Variants in DAAM2 observed in about 807,000 individuals in gnomAD.
The protein encoded by DAAM2 is disheveled-associated activator of morphogenesis 2.
In DAAM2, 39 loss-of-function variants were observed where a neutral mutation model predicts 120.7. That is an observed-to-expected ratio of 0.32 (90% CI 0.25 to 0.42). The LOEUF (loss-of-function observed/expected upper bound fraction) is 0.42. Ranked by LOEUF, DAAM2 falls within the 10% of genes least tolerant of loss-of-function variation. The pLI, the probability that DAAM2 is intolerant of heterozygous loss-of-function variation, is 1.00. For missense variants in DAAM2, 1,283 were observed against 1,401.7 expected (o/e 0.92, Z 1.35); for synonymous variants, 488 against 524.9 (o/e 0.93, Z 0.96).
In DAAM2 at chr6:39,904,761, A is replaced by T. The variant is rs776434806; in HGVS notation, c.*2724A>T. 4.0e-5 allele frequency: 18 copies of T among 454,030 alleles called. No homozygotes were observed. The highest frequency in any genetic ancestry group is 2.6e-4 in the South Asian group (17 of 64,478). 28.1% of individuals were successfully genotyped at this position (454,030 alleles called of 1,614,324 possible). A position where few individuals can be genotyped will look rare whatever the true frequency, so the allele number is the denominator to read the frequency against. On this transcript the variant is annotated 3_prime_UTR_variant, in exon 25 of 25. Transcript: ENST00000274867. ...CTGTTCTCACCAGCTGCCTCAGATG[A>T]CAAATGAGGCTAATGGACATAATCT...
chr6:39,817,424 CTCTGCT>C (rs1483014475), intron 1 of DAAM2, among the ~76,000 whole-genome samples: 2 of 152,162 alleles, frequency 1.3e-5, no homozygotes, highest in Non-Finnish European at 2.9e-5. Context: ...AACAGAGGGT[CTCTGCT>C]TGTTTTAGTC....
intron 1 of DAAM2, among the ~76,000 whole-genome samples, chr6:39,832,748 C>T (rs1057345917): frequency 1.3e-5 from 2 of 152,132 alleles, no homozygotes; most frequent in African/African-American, 2.4e-5. Flanking sequence ...CTGGGGGCTG[C>T]AGGGTTTCTG....
intron 3 of DAAM2, among the ~76,000 whole-genome samples, chr6:39,864,166 A>T (rs552992590): frequency 4.1e-5 from 6 of 145,788 alleles, no homozygotes; most frequent in African/African-American, 1.4e-4. Context: ...AGAATTTTTA[A>T]AAAATGGTGC....
chr6:39,889,092 T>A (rs6906911), intron 17 of DAAM2: 17,225 of 183,230 alleles, frequency 0.094, 1,110 homozygotes, highest in African/African-American at 0.18. Flanking sequence ...CAATTGGACT[T>A]CATTACAGTT....
intron 11 of DAAM2, among the ~76,000 whole-genome samples, chr6:39,876,710 T>TGC (rs781213299): frequency 1.5e-4 from 15 of 100,048 alleles, no homozygotes. Context: ...GGGAAGGGTG[T>TGC]GTGTGTGTGT....
rs941887009 is a variant in DAAM2, at chr6:39,856,302, C to G, written c.-1C>G. 2.0e-6 allele frequency: 3 copies of G among 1,527,528 alleles called. No individual in the cohort carries two copies. The highest frequency in any genetic ancestry group is 2.8e-5 in the African/African-American group (2 of 72,068). The allele number at this position is 1,527,528 out of a possible 1,614,324, so 94.6% of individuals were successfully genotyped here. A position where few individuals can be genotyped will look rare whatever the true frequency, so the allele number is the denominator to read the frequency against. ...CTGACGCCCCCTGGCCTGCAGTGAC[C>G]ATGGCCCCCCGCAAGAGGAGCCACC... On this transcript the variant is annotated 5_prime_UTR_variant, in exon 2 of 25. Coordinates refer to ENST00000274867, the MANE Select transcript of DAAM2 (RefSeq NM_001201427.2).
intron 1 of DAAM2, among the ~76,000 whole-genome samples, chr6:39,852,494 G>A (rs768227081): frequency 6.6e-6 from 1 of 152,140 alleles, no homozygotes; most frequent in Admixed American, 6.5e-5. Context: ...GCCAGGCCTC[G>A]GTCACCCCAT....
At chr6:39,815,651 TACACACACACACACACAC>T (rs56736428) in intron 1 of DAAM2, among the ~76,000 whole-genome samples, 2 of 149,076 alleles carry the variant, frequency 1.3e-5, no homozygotes, top group African/African-American at 4.9e-5. Context: ...ACCCCTGGTT[TACACACACACACACACAC>T]ACACACACAC....
rs1764526727 is a variant in DAAM2, at chr6:39,868,697, C to T, written c.763-126C>T. On this transcript the variant is annotated intron_variant, in intron 6 of 24. Coordinates refer to ENST00000274867, the MANE Select transcript of DAAM2 (RefSeq NM_001201427.2). The stretch of plus-strand genomic sequence containing the variant: ...GGCAGCCCAGAGTAAATTGGACAGA[C>T]CTGATTGGGTGGAGAGAGCAGATGG... 4.3e-6 allele frequency: 3 copies of T among 698,750 alleles called. No individual in the cohort carries two copies. The Admixed American group carries it at 6.9e-5, about 16-fold the overall frequency. 43.3% of individuals were successfully genotyped at this position (698,750 alleles called of 1,614,324 possible).
At chr6:39,884,130 C>T in intron 15 of DAAM2, 61 bp downstream of exon 15, 5 of 864,498 alleles carry the variant, frequency 5.8e-6, no homozygotes, top group Non-Finnish European at 9.4e-6. Context: ...CTCAGCTTCT[C>T]CTTTTCTTTC....
At chr6:39,856,830 T>C (rs1477236156) in intron 2 of DAAM2, among the ~76,000 whole-genome samples, 1 of 152,216 alleles carries the variant, frequency 6.6e-6, no homozygotes, top group Non-Finnish European at 1.5e-5. Context: ...CTTCTGCTCC[T>C]TGGAGTTTCC....
chr6:39,871,813 A>G (rs146860348), intron 9 of DAAM2, among the ~76,000 whole-genome samples: 3 of 152,354 alleles, frequency 2.0e-5, no homozygotes, highest in Non-Finnish European at 4.4e-5. Flanking sequence ...TCACGCAACT[A>G]TGGAGACTGA....
intron 17 of DAAM2, among the ~76,000 whole-genome samples, chr6:39,890,283 T>C (rs1765632374): frequency 6.6e-6 from 1 of 152,172 alleles, no homozygotes; most frequent in Non-Finnish European, 1.5e-5. Context: ...AAAATCCACA[T>C]ACAAGTGGTC....
intron 11 of DAAM2, 145 bp downstream of exon 11, chr6:39,875,613 C>CT: frequency 9.7e-7 from 1 of 1,035,788 alleles, no homozygotes; most frequent in South Asian, 1.7e-5. Context: ...ACAGAACTCT[C>CT]TAAGCTAATG....
intron 1 of DAAM2, among the ~76,000 whole-genome samples, chr6:39,844,556 A>C (rs1466228607): frequency 2.0e-5 from 3 of 152,148 alleles, no homozygotes; most frequent in African/African-American, 7.2e-5. Flanking sequence ...GCATGTGTGG[A>C]TACTCAGTCT....
At chr6:39,898,585 C>T (rs1408877198) in intron 21 of DAAM2, among the ~76,000 whole-genome samples, 3 of 152,182 alleles carry the variant, frequency 2.0e-5, no homozygotes, top group African/African-American at 7.2e-5. Flanking sequence ...ATAAATAGGT[C>T]TAAGCCAGAG....
At position 39,867,678 on chromosome 6, in the gene DAAM2, G is replaced by A; in HGVS notation, c.597G>A (p.Glu199=). 1 of 1,614,056 alleles carries A rather than the reference G, an allele frequency of 6.2e-7. No homozygotes were observed. The highest frequency in any genetic ancestry group is 8.5e-7 in the Non-Finnish European group (1 of 1,179,900). The part of the protein sequence containing the change: ...QGRAHVLAQP[E]AISTIAQSLR... ...GGGCACATGTGCTGGCACAGCCTGA[G>A]GCCATTAGTACCATAGCCCAGAGCC... Residue 199 remains glutamate, a synonymous_variant, in exon 6 of 25, where the codon GAG becomes GAA. Transcript: ENST00000274867.
intron 1 of DAAM2, among the ~76,000 whole-genome samples, chr6:39,843,614 A>T (rs1434368111): frequency 1.3e-5 from 2 of 152,216 alleles, no homozygotes; most frequent in African/African-American, 4.8e-5. Flanking sequence ...AAAATTATTA[A>T]AAGTTTCAAG....
chr6:39,892,729 G>A (rs563876925), intron 19 of DAAM2, among the ~76,000 whole-genome samples: 1 of 152,294 alleles, frequency 6.6e-6, no homozygotes, highest in East Asian at 1.9e-4. Context: ...ACCAGGGCCA[G>A]TCAGTACTCC....
Sources: allele counts gnomAD v4.1 joint callset (sites outside exome capture counted in the v4.1 genomes callset), GRCh38; gene constraint gnomAD v4.1.1; transcripts MANE v1.5; gene names NCBI Gene and HGNC (gene_info 2026-07-23, HGNC 2026-07-21).